Variants in FCHSD1 observed in about 807,000 individuals in gnomAD.
FCHSD1 encodes FCH and double SH3 domains 1.
A neutral mutation model predicts 101.3 loss-of-function variants in FCHSD1; 109 were observed. That is an observed-to-expected ratio of 1.08 (90% CI 0.92 to 1.26). The LOEUF (loss-of-function observed/expected upper bound fraction) is 1.26, where lower values mean the gene tolerates loss of function less well. Among genes scored for constraint, FCHSD1 ranks in the 50% most tolerant of loss-of-function variants. The pLI is 0.00. For synonymous variants in FCHSD1, 291 were observed against 356.8 expected (o/e 0.82, Z 2.08); for missense variants, 820 against 895.8 (o/e 0.92, Z 1.08).
chr5:141,651,356 G>T lies in FCHSD1; in HGVS notation c.13C>A (p.Pro5Thr). MQPP[P>T]RKVKPAQEVK... ...TTCAGGGCCAAGCTCACTTTTCGGG[G>T]CGGCGGCTGCATCTCCGCTCCAGCA... The change falls in exon 1 of 20, where the codon CCC becomes ACC. Residue 5 changes from proline (P) to threonine (T), a missense_variant. By Grantham distance (38) the Pro-to-Thr change is conservative. Transcript: ENST00000435817. 1.3e-6 allele frequency: 2 copies of T among 1,553,936 alleles called. No homozygotes were observed.
intron 2 of FCHSD1, 66 bp downstream of exon 2, chr5:141,650,954 T>G: frequency 2.8e-6 from 4 of 1,421,134 alleles, no homozygotes; most frequent in South Asian, 1.2e-5. Context: ...CCAGCACATG[T>G]ATATTGGGGA....
At position 141,641,075 on chromosome 5, in the gene FCHSD1, G is replaced by C. The variant is rs965830328; in HGVS notation, c.*423C>G. 31 of 301,808 alleles carry C rather than the reference G, an allele frequency of 1.0e-4. 1 individual carries two copies. Among genetic ancestry groups the C allele is most frequent in the Non-Finnish European group, 1.6e-4 (26 of 163,614 alleles). 18.7% of individuals were successfully genotyped at this position (301,808 alleles called of 1,614,324 possible). A position where few individuals can be genotyped will look rare whatever the true frequency, so the allele number is the denominator to read the frequency against. ...CCGCTCAGACCATTACAGCTGCTTC[G>C]CATCCTGGCTCCAGCTCCTGATTCC... On this transcript the variant is annotated 3_prime_UTR_variant, in exon 20 of 20. Coordinates refer to ENST00000435817, the MANE Select transcript of FCHSD1 (RefSeq NM_033449.3).
rs1464769405 is a variant in FCHSD1, at chr5:141,639,981, A to C, written c.*1517T>G. On this transcript the variant is annotated 3_prime_UTR_variant, in exon 20 of 20. Transcript: ENST00000435817. The surrounding 1 kb of genome is among the most constrained non-coding windows in gnomAD (Gnocchi z 4.4). ...GCACGAACACCGTGATGGCTCCCCC[A>C]CAGACAGGAGCTGGGGCTCTGGTGG... The C allele has an allele frequency of 6.2e-7, 1 of 1,613,812 alleles. No individual in the cohort carries two copies. The highest frequency in any genetic ancestry group is 8.5e-7 in the Non-Finnish European group (1 of 1,179,934).
chr5:141,643,587 T>C (rs1340122503), intron 17 of FCHSD1, among the ~76,000 whole-genome samples: 1 of 152,244 alleles, frequency 6.6e-6, no homozygotes, highest in Non-Finnish European at 1.5e-5. Flanking sequence ...CAGTGGCTCA[T>C]GCCTATAATC....
intron 16 of FCHSD1, 44 bp from the exon 17 acceptor site, chr5:141,644,482 G>A (rs779155475): frequency 6.2e-7 from 1 of 1,608,064 alleles, no homozygotes; most frequent in East Asian, 2.2e-5. Context: ...GTGGGTAGCA[G>A]TGCCCCAGGA....
rs1596455348 is a variant in FCHSD1, at chr5:141,640,088, T to C, written c.*1410A>G. On this transcript the variant is annotated 3_prime_UTR_variant, in exon 20 of 20. Coordinates refer to ENST00000435817, the MANE Select transcript of FCHSD1 (RefSeq NM_033449.3). Reference sequence around the variant, plus strand: ...TGCCTGCCATGGAGAGGCTGCCCCCTGAGAGGCCACAGCCCCAGGTCCTAG... The same window carrying C: ...TGCCTGCCATGGAGAGGCTGCCCCCCGAGAGGCCACAGCCCCAGGTCCTAG... The C allele has an allele frequency of 2.5e-6, 4 of 1,613,546 alleles. No individual in the cohort carries two copies. Among genetic ancestry groups the C allele is most frequent in the Non-Finnish European group, 3.4e-6 (4 of 1,179,768 alleles).
At position 141,650,416 on chromosome 5, in the gene FCHSD1, G is replaced by A. The variant is rs773142410; in HGVS notation, c.120-12C>T. 1 of 1,613,874 alleles carries A rather than the reference G, an allele frequency of 6.2e-7. No homozygotes were observed. The highest frequency in any genetic ancestry group is 8.5e-7 in the Non-Finnish European group (1 of 1,179,846). On this transcript the variant is annotated splice_polypyrimidine_tract_variant and intron_variant, in intron 2 of 19. Transcript: ENST00000435817. ...GCTTGCTGTAGGATCTGCGGAGATT[G>A]CAGGTCGGGGGTGAGGTGGGGGATA... is the stretch of plus-strand genomic sequence containing the variant.
chr5:141,643,219 T>G (rs1202653019), intron 17 of FCHSD1, 131 bp from the exon 18 acceptor site: 123 of 565,570 alleles, frequency 2.2e-4, no homozygotes, highest in Middle Eastern at 5.0e-4. Context: ...TTGCATTCGG[T>G]GGGGGGGTGT....
chr5:141,642,837 G>C, intron 18 of FCHSD1, 164 bp downstream of exon 18: 1 of 618,906 alleles, frequency 1.6e-6, no homozygotes, highest in Non-Finnish European at 2.8e-6. Flanking sequence ...AGATGACAGA[G>C]CGGGACCTGA....
rs1038864779 is a variant in FCHSD1 at position 141,651,393 on chromosome 5, C to T, written c.-25G>A. On this transcript the variant is annotated 5_prime_UTR_variant, in exon 1 of 20. Coordinates refer to ENST00000435817, the MANE Select transcript of FCHSD1 (RefSeq NM_033449.3). ...TCTCCGCTCCAGCAAGGCGGTCAGC[C>T]ACTGGACTCCGGAACTGGAGGAAGC... is the stretch of plus-strand genomic sequence containing the variant. 4 of 1,551,518 alleles carry T rather than the reference C, an allele frequency of 2.6e-6. No homozygotes were observed. The highest frequency in any genetic ancestry group is 3.5e-6 in the Non-Finnish European group (4 of 1,147,258).
rs200124668 is a variant in FCHSD1, at chr5:141,641,544, G to A, written c.2027C>T (p.Pro676Leu). The change falls in exon 20 of 20, where the codon CCG becomes CTG. Residue 676 changes from proline to leucine, a missense_variant. Physicochemically the swap from Pro to Leu is moderately conservative, Grantham distance 98 (BLOSUM62 -3). Coordinates refer to ENST00000435817, the MANE Select transcript of FCHSD1 (RefSeq NM_033449.3). Reference sequence around the variant, plus strand: ...GCCAGGATCCGGGGCTTTAGCCGGCGGGGGAGGTGGTGGACGCATCTGTAG... The same window carrying A: ...GCCAGGATCCGGGGCTTTAGCCGGCAGGGGAGGTGGTGGACGCATCTGTAG... ...RLRPMRPPPP[P>L]PAKAPDPGHP... 8.4e-5 allele frequency: 128 copies of A among 1,522,518 alleles called. No individual in the cohort carries two copies. In the African/African-American group the frequency reaches 1.1e-3, roughly 13 times the overall value. 94.3% of individuals were successfully genotyped at this position (1,522,518 alleles called of 1,614,324 possible). A position where few individuals can be genotyped will look rare whatever the true frequency, so the allele number is the denominator to read the frequency against.
rs760217270 is a variant in FCHSD1, at chr5:141,645,166, AGACCTCATATGG to A, written c.1312-30_1312-19del. On this transcript the variant is annotated intron_variant, in intron 13 of 19. Transcript: ENST00000435817. Reference sequence around the variant, plus strand: ...TCCTCAGCCTAGAGGGGCAAAGAACAGACCTCATATGGGGCCCACTCTCAAGCACTGGTTCTA... The same window carrying A: ...TCCTCAGCCTAGAGGGGCAAAGAACAGGCCCACTCTCAAGCACTGGTTCTA... The A allele has an allele frequency of 1.0e-4, 158 of 1,526,258 alleles. No homozygotes were observed. The highest frequency in any genetic ancestry group is 1.3e-4 in the Non-Finnish European group (151 of 1,137,848). 94.5% of individuals were successfully genotyped at this position (1,526,258 alleles called of 1,614,324 possible).
At chr5:141,650,933 G>T in intron 2 of FCHSD1, 87 bp downstream of exon 2, 2 of 1,323,344 alleles carry the variant, frequency 1.5e-6, no homozygotes, top group Non-Finnish European at 2.1e-6. Flanking sequence ...CTTGGCCCCT[G>T]TTCCTCCACC....
Position 141,651,405 on chromosome 5 carries a change from G to A in FCHSD1, c.-37C>T. 2 of 1,550,586 alleles carry A rather than the reference G, an allele frequency of 1.3e-6. No individual in the cohort carries two copies. Among genetic ancestry groups the A allele is most frequent in the Non-Finnish European group, 1.7e-6 (2 of 1,146,872 alleles). On this transcript the variant is annotated 5_prime_UTR_variant, in exon 1 of 20. Transcript: ENST00000435817. ...CAAGGCGGTCAGCCACTGGACTCCG[G>A]AACTGGAGGAAGCCCCGCCCACTAT...
In FCHSD1 at chr5:141,648,979, C is replaced by T. The variant is rs1332379784; in HGVS notation, c.554G>A (p.Ser185Asn). ...SDHGIFHSRT[S>N]LQKLSTKLSA... ...AACCTTGGTGCTCAGTTTCTGGAGA[C>T]TGGTCCGAGAGTGGAAGATCCCATG... The change falls in exon 7 of 20, where the codon AGT becomes AAT. Residue 185 changes from serine to asparagine, a missense_variant. By Grantham distance (46) the Ser-to-Asn change is conservative. Transcript: ENST00000435817. 5 of 1,613,866 alleles carry T rather than the reference C, an allele frequency of 3.1e-6. No homozygotes were observed. The African/African-American group carries it at 6.7e-5, about 22-fold the overall frequency.
intron 2 of FCHSD1, among the ~76,000 whole-genome samples, 169 bp downstream of exon 2, chr5:141,650,851 G>A (rs974418515): frequency 1.1e-4 from 17 of 151,940 alleles, no homozygotes; most frequent in Non-Finnish European, 2.4e-4. Context: ...GTTAGGTGGG[G>A]GAGCATTCCT....
chr5:141,643,848 C>CA (rs56206715), intron 17 of FCHSD1, among the ~76,000 whole-genome samples: 31,626 of 124,224 alleles, frequency 0.25, 3,729 homozygotes, highest in African/African-American at 0.35. Flanking sequence ...AACTCTGTCT[C>CA]AAAAAAAAAA....
In FCHSD1 at chr5:141,639,374, G is replaced by A. The variant is rs1402428697; in HGVS notation, c.*2124C>T. On this transcript the variant is annotated 3_prime_UTR_variant, in exon 20 of 20. Coordinates refer to ENST00000435817, the MANE Select transcript of FCHSD1 (RefSeq NM_033449.3). This position sits in a 1 kb window ranked among gnomAD's most constrained non-coding sequence, Gnocchi z 4.4. Reference sequence around the variant, plus strand: ...GCTTGGGGAAATTGGGGCTTCTGGGGTTTTAAGGAGCATGCTGAAAGAACG... The same window carrying A: ...GCTTGGGGAAATTGGGGCTTCTGGGATTTTAAGGAGCATGCTGAAAGAACG... 1.2e-5 allele frequency: 13 copies of A among 1,125,586 alleles called. No individual in the cohort carries two copies. Among genetic ancestry groups the A allele is most frequent in the South Asian group, 7.9e-5 (5 of 63,268 alleles). The allele number at this position is 1,125,586 out of a possible 1,614,324, so 69.7% of individuals were successfully genotyped here. A position where few individuals can be genotyped will look rare whatever the true frequency, so the allele number is the denominator to read the frequency against.
chr5:141,648,150 A>G, intron 7 of FCHSD1, 54 bp from the exon 8 acceptor site: 2 of 1,536,826 alleles, frequency 1.3e-6, no homozygotes, highest in Non-Finnish European at 1.8e-6. Context: ...GAGTCCTTCC[A>G]AGACCAATTG....
Sources: gnomAD v4.1 joint callset for allele counts (sites outside exome capture counted in the v4.1 genomes callset) on GRCh38, gnomAD v4.1.1 for gene constraint, Gnocchi (gnomAD v3.1) non-coding constraint, MANE v1.5 for transcripts, NCBI Gene and HGNC (gene_info 2026-07-23, HGNC 2026-07-21) for gene names.